PPP2R5E: variants seen among roughly 807,000 people sequenced by gnomAD.
The protein encoded by PPP2R5E is serine/threonine-protein phosphatase 2A 56 kDa regulatory subunit epsilon isoform.
PPP2R5E carries 4 observed loss-of-function variants against 65.3 expected under a neutral mutation model. That is an observed-to-expected ratio of 0.06 (90% CI 0.03 to 0.14). The LOEUF is 0.14. Among genes scored for constraint, PPP2R5E ranks in the 10% least tolerant of loss-of-function variants. PPP2R5E has a pLI of 1.00. For synonymous variants in PPP2R5E, 183 were observed against 187.4 expected, an observed-to-expected ratio of 0.98 and a Z score of 0.19; for missense variants, 274 against 556.1, an observed-to-expected ratio of 0.49 and a Z score of 5.10.
At position 63,445,994 on chromosome 14, in the gene PPP2R5E, C is replaced by T. The variant is rs529831635; in HGVS notation, c.354+7695G>A. On this transcript the variant is annotated intron_variant, in intron 3 of 13. Coordinates refer to ENST00000337537, the MANE Select transcript of PPP2R5E (RefSeq NM_006246.5). ...GAGTCAATCCTCCCAAACCCTGCCA[C>T]TGCTTGATCAACTAAGTTTACATAA... 2.2e-4 allele frequency among the ~76,000 whole-genome samples: 34 copies of T among 152,346 alleles called. No homozygotes were observed. In the South Asian group the frequency reaches 7.0e-3, roughly 32 times the overall value.
intron 2 of PPP2R5E, among the ~76,000 whole-genome samples, chr14:63,536,288 A>T (rs1471713355): frequency 6.6e-6 from 1 of 152,244 alleles, no homozygotes; most frequent in Non-Finnish European, 1.5e-5. Context: ...GATGCTCAAC[A>T]TCACTAATCA....
chr14:63,384,366 T>C, intron 12 of PPP2R5E, 78 bp downstream of exon 12: 14 of 1,498,398 alleles, frequency 9.3e-6, no homozygotes, highest in Non-Finnish European at 1.3e-5. Context: ...AAGGACAGCA[T>C]CTGGCACATA....
chr14:63,374,624 G>A lies in PPP2R5E; in HGVS notation c.*1385C>T, dbSNP rs932529109. ...ATTCTTCATTTAAATACAAAGCAGA[G>A]AGCCAATAAGATATATATATATATA... On this transcript the variant is annotated 3_prime_UTR_variant, in exon 14 of 14. Coordinates refer to ENST00000337537, the MANE Select transcript of PPP2R5E (RefSeq NM_006246.5). 6.8e-5 allele frequency: 6 copies of A among 88,396 alleles called. No individual in the cohort carries two copies. Among genetic ancestry groups the A allele is most frequent in the Admixed American group, 4.8e-4 (4 of 8,252 alleles). 5.5% of individuals were successfully genotyped at this position (88,396 alleles called of 1,614,324 possible). A position where few individuals can be genotyped will look rare whatever the true frequency, so the allele number is the denominator to read the frequency against.
At chr14:63,432,722 T>G (rs547687468) in intron 3 of PPP2R5E, among the ~76,000 whole-genome samples, 1 of 152,174 alleles carries the variant, frequency 6.6e-6, no homozygotes, top group East Asian at 1.9e-4. Context: ...AGAAAGACAT[T>G]TGAGCTGGCC....
chr14:63,427,709 A>AT (rs1490899607), intron 3 of PPP2R5E, among the ~76,000 whole-genome samples: 2 of 152,194 alleles, frequency 1.3e-5, no homozygotes, highest in African/African-American at 4.8e-5. Flanking sequence ...GGCTGAAGGG[A>AT]TGGGAGGAAA....
chr14:63,500,323 T>C (rs553162956), intron 2 of PPP2R5E, among the ~76,000 whole-genome samples: 51 of 152,342 alleles, frequency 3.3e-4, no homozygotes, highest in African/African-American at 1.2e-3. Flanking sequence ...GATGGGTACA[T>C]CACCTCTCAT....
In PPP2R5E at chr14:63,539,521, A is replaced by G; in HGVS notation, c.157+8T>C. 1 of 1,612,036 alleles carries G rather than the reference A, an allele frequency of 6.2e-7. No individual in the cohort carries two copies. Among genetic ancestry groups the G allele is most frequent in the Non-Finnish European group, 8.5e-7 (1 of 1,178,828 alleles). On this transcript the variant is annotated splice_region_variant and intron_variant, in intron 2 of 13. Coordinates refer to ENST00000337537, the MANE Select transcript of PPP2R5E (RefSeq NM_006246.5). ...AAAAAGAATGCATCACCTGGTCATG[A>G]GCCTTACCTTTTAGCAGCGGCAGAG...
chr14:63,450,349 C>G (rs1888750384), intron 3 of PPP2R5E, among the ~76,000 whole-genome samples: 1 of 152,172 alleles, frequency 6.6e-6, no homozygotes, highest in African/African-American at 2.4e-5. Flanking sequence ...CCTAGAACAG[C>G]ATGTACACTA....
chr14:63,458,233 G>A (rs1889244507), intron 2 of PPP2R5E, among the ~76,000 whole-genome samples: 1 of 152,128 alleles, frequency 6.6e-6, no homozygotes, highest in Non-Finnish European at 1.5e-5. Context: ...CTTGCTGGGG[G>A]GCACTCCCCT....
Position 63,513,644 on chromosome 14 carries a change from T to G in PPP2R5E, c.157+25885A>C, listed in dbSNP as rs924463721. Among the ~76,000 whole-genome samples the G allele has an allele frequency of 7.9e-5, 12 of 152,232 alleles. No individual in the cohort carries two copies. The East Asian group carries it at 2.3e-3, about 29-fold the overall frequency. On this transcript the variant is annotated intron_variant, in intron 2 of 13. Transcript: ENST00000337537. ...AACAACAAACAGAAATTTTCCTTTC[T>G]AATTGTTTACTTAAAGTTAGAATTA...
chr14:63,389,543 CT>C (rs1884886653), intron 11 of PPP2R5E, 68 bp downstream of exon 11: 1 of 1,494,610 alleles, frequency 6.7e-7, no homozygotes, highest in African/African-American at 1.4e-5. Flanking sequence ...CATTACATTG[CT>C]TTTGAAACAA....
chr14:63,427,662 G>T (rs1326787728), intron 3 of PPP2R5E, among the ~76,000 whole-genome samples: 1 of 152,094 alleles, frequency 6.6e-6, no homozygotes, highest in African/African-American at 2.4e-5. Context: ...GAAGTCACTG[G>T]CCTGGCCTCC....
chr14:63,423,504 TCTCCTAATGACCCAAACATATC>T (rs546828480), intron 3 of PPP2R5E, among the ~76,000 whole-genome samples: 24 of 152,110 alleles, frequency 1.6e-4, no homozygotes, highest in South Asian at 6.2e-4. Context: ...CACTCATCTT[TCTCCTAATGACCCAAACATATC>T]CTCCTAATGA....
At chr14:63,433,800 C>T (rs558616625) in intron 3 of PPP2R5E, among the ~76,000 whole-genome samples, 3 of 152,246 alleles carry the variant, frequency 2.0e-5, no homozygotes, top group Admixed American at 6.5e-5. Flanking sequence ...TCTCCTGTTT[C>T]GCCCCCATGC....
At position 63,373,032 on chromosome 14, in the gene PPP2R5E, T is replaced by G; in HGVS notation, c.*2977A>C. The G allele has an allele frequency of 6.6e-6, 1 of 152,118 alleles. No homozygotes were observed. Among genetic ancestry groups the G allele is most frequent in the South Asian group, 2.1e-4 (1 of 4,818 alleles). The allele number at this position is 152,118 out of a possible 1,614,324, so 9.4% of individuals were successfully genotyped here. A position where few individuals can be genotyped will look rare whatever the true frequency, so the allele number is the denominator to read the frequency against. On this transcript the variant is annotated 3_prime_UTR_variant, in exon 14 of 14. Coordinates refer to ENST00000337537, the MANE Select transcript of PPP2R5E (RefSeq NM_006246.5). ...CTGAAGGAAAACAACTGGGGATACTTCACAATGAGAAACAGGAATGCATGC... is the reference window on the plus strand; with the variant it reads ...CTGAAGGAAAACAACTGGGGATACTGCACAATGAGAAACAGGAATGCATGC...
rs1320485624 is a variant in PPP2R5E, at chr14:63,543,360, C to T, written c.-589G>A. On this transcript the variant is annotated 5_prime_UTR_variant, in exon 1 of 14. Transcript: ENST00000337537. ...GGCTGAGTCCATGGCACACGCGCAA[C>T]CGAACCTTCTGGCCAGCAGCGCCCG... 4.6e-5 allele frequency: 7 copies of T among 153,134 alleles called. No homozygotes were observed. The Admixed American group carries it at 4.6e-4, about 10-fold the overall frequency. 9.5% of individuals were successfully genotyped at this position (153,134 alleles called of 1,614,324 possible).
intron 3 of PPP2R5E, among the ~76,000 whole-genome samples, chr14:63,431,637 C>T (rs913363486): frequency 2.0e-5 from 3 of 151,894 alleles, no homozygotes; most frequent in African/African-American, 7.3e-5. Flanking sequence ...ACTGCATTTG[C>T]GGACAAAGCT....
intron 2 of PPP2R5E, among the ~76,000 whole-genome samples, chr14:63,521,316 T>C (rs944741090): frequency 6.6e-6 from 1 of 152,216 alleles, no homozygotes; most frequent in Admixed American, 6.5e-5. Flanking sequence ...TTAAAATATC[T>C]TTAAACTTTC....
chr14:63,504,914 AAT>A (rs2139679213), intron 2 of PPP2R5E, among the ~76,000 whole-genome samples: 1 of 152,356 alleles, frequency 6.6e-6, no homozygotes, highest in African/African-American at 2.4e-5. Context: ...TGTTCACATA[AAT>A]ATGTCTTGCA....
Sources: allele counts gnomAD v4.1 joint callset (sites outside exome capture counted in the v4.1 genomes callset), GRCh38; gene constraint gnomAD v4.1.1; transcripts MANE v1.5; gene names NCBI Gene and HGNC (gene_info 2026-07-23, HGNC 2026-07-21).